The following DHX8 variants were observed in gnomAD, a reference collection of about 807,000 sequenced individuals.
The protein encoded by DHX8 is DEAH-box helicase 8.
Under a neutral mutation model 140.7 loss-of-function variants are expected in DHX8, and 67 were observed. The ratio of observed to expected loss-of-function variants is 0.48; its 90% CI spans 0.39 to 0.58. DHX8 has a LOEUF of 0.58. Among genes scored for constraint, DHX8 ranks in the 20% least tolerant of loss-of-function variants. The pLI is 0.00. For missense variants in DHX8, 887 were observed against 1,550.7 expected (o/e 0.57, Z 7.19); for synonymous variants, 533 against 553.2 (o/e 0.96, Z 0.51).
chr17:43,499,608 C>T (rs1459833398), intron 10 of DHX8, among the ~76,000 whole-genome samples: 2 of 152,158 alleles, frequency 1.3e-5, no homozygotes, highest in Non-Finnish European at 2.9e-5. Flanking sequence ...CCTGAAACCT[C>T]GCTCACTGAA....
intron 11 of DHX8, among the ~76,000 whole-genome samples, chr17:43,501,169 T>C (rs1465129602): frequency 6.6e-6 from 1 of 152,186 alleles, no homozygotes. Flanking sequence ...TGTGAAGAAG[T>C]ACAGGCAGTG....
intron 2 of DHX8, among the ~76,000 whole-genome samples, chr17:43,535,380 C>T (rs1186453074): frequency 3.9e-5 from 6 of 152,122 alleles, no homozygotes; most frequent in African/African-American, 7.2e-5. Context: ...CAGGTTCAAG[C>T]GATTCTCATG....
At chr17:43,531,482 G>C (rs563472738), downstream of DHX8, among the ~76,000 whole-genome samples, 13 of 152,136 alleles carry the variant, frequency 8.5e-5, no homozygotes, top group Non-Finnish European at 7.4e-5. Flanking sequence ...AAATATGTAA[G>C]CCACATATTA....
At chr17:43,543,184 C>G (rs1055120673) in intron 3 of DHX8, among the ~76,000 whole-genome samples, 1 of 151,186 alleles carries the variant, frequency 6.6e-6, no homozygotes. Flanking sequence ...CCAGCGCCCA[C>G]CCCCCTCACC....
chr17:43,505,829 A>G (rs946369781), intron 12 of DHX8, among the ~76,000 whole-genome samples: 5 of 152,118 alleles, frequency 3.3e-5, no homozygotes, highest in African/African-American at 1.2e-4. Context: ...CAGGTTTACT[A>G]GTTTCTAGTG....
intron 11 of DHX8, among the ~76,000 whole-genome samples, chr17:43,500,928 C>G (rs1456135749): frequency 6.6e-6 from 1 of 151,872 alleles, no homozygotes; most frequent in Non-Finnish European, 1.5e-5. Context: ...AATTTTTATT[C>G]TAAAGGTAAT....
At chr17:43,528,389 A>G, downstream of DHX8, 1 of 640,168 alleles carries the variant, frequency 1.6e-6, no homozygotes, top group Non-Finnish European at 2.7e-6. Flanking sequence ...GGCTAGGGCA[A>G]CTGGTAGGAC....
At chr17:43,533,974 T>C (rs1384141713) in intron 2 of DHX8, 3 of 1,532,920 alleles carry the variant, frequency 2.0e-6, no homozygotes, top group Non-Finnish European at 2.6e-6. Context: ...GTGGTGGGGC[T>C]GTGGAAAGCT....
At position 43,493,793 on chromosome 17, in the gene DHX8, G is replaced by A. The variant is rs775885889; in HGVS notation, c.1119G>A (p.Leu373=). 6.1e-5 allele frequency: 99 copies of A among 1,614,098 alleles called. No homozygotes were observed. The highest frequency in any genetic ancestry group is 7.9e-5 in the Non-Finnish European group (93 of 1,180,050). Residue 373 remains leucine (L), a synonymous_variant, in exon 8 of 23, where the codon TTG becomes TTA. Coordinates refer to ENST00000262415, the MANE Select transcript of DHX8 (RefSeq NM_004941.3). ...GGAATCCTGATAGACCCACTCACTT[G>A]TCCCTTGTCAGTGCTCCTGAAGTAG... ...SMRNPDRPTH[L]SLVSAPEVED... is the part of the protein sequence containing the mutation.
intron 2 of DHX8, among the ~76,000 whole-genome samples, chr17:43,535,267 G>A (rs1598205005): frequency 6.7e-6 from 1 of 149,566 alleles, no homozygotes; most frequent in African/African-American, 2.4e-5. Flanking sequence ...CATTAAAGCA[G>A]GGTTTGTTTT....
In DHX8 at chr17:43,493,649, C is replaced by A. The variant is rs745755239; in HGVS notation, c.1009-34C>A. 15 of 1,614,012 alleles carry A rather than the reference C, an allele frequency of 9.3e-6. No individual in the cohort carries two copies. The South Asian group carries it at 1.5e-4, about 17-fold the overall frequency. On this transcript the variant is annotated intron_variant, in intron 7 of 22. Coordinates refer to ENST00000262415, the MANE Select transcript of DHX8 (RefSeq NM_004941.3). Reference sequence around the variant, plus strand: ...TGGCCAAGGGAATGGAAGAGGACAGCAAGTGAGACAGCTCCCTTGTTTTTG... The same window carrying A: ...TGGCCAAGGGAATGGAAGAGGACAGAAAGTGAGACAGCTCCCTTGTTTTTG...
At chr17:43,539,950 G>A (rs1971437200) in intron 3 of DHX8, among the ~76,000 whole-genome samples, 1 of 152,132 alleles carries the variant, frequency 6.6e-6, no homozygotes, top group African/African-American at 2.4e-5. Context: ...ACAATCACAA[G>A]CCACCAGCAG....
chr17:43,509,484 A>ATT (rs555156200), intron 16 of DHX8, among the ~76,000 whole-genome samples: 89 of 135,594 alleles, frequency 6.6e-4, no homozygotes, highest in Middle Eastern at 7.6e-3. Flanking sequence ...CCTCCCACTT[A>ATT]TTTTTTTTTT....
chr17:43,512,420 A>C (rs2154586746), intron 16 of DHX8, among the ~76,000 whole-genome samples: 1 of 150,938 alleles, frequency 6.6e-6, no homozygotes, highest in Admixed American at 6.6e-5. Context: ...GGACTTGAGT[A>C]ATGTTAAAGA....
At position 43,507,551 on chromosome 17, in the gene DHX8, A is replaced by G; in HGVS notation, c.1972A>G (p.Ile658Val). Residue 658 changes from isoleucine (I) to valine (V), a missense_variant, in exon 14 of 23, where the codon ATC becomes GTC. Physicochemically the swap from Ile to Val is conservative, Grantham distance 29. Coordinates refer to ENST00000262415, the MANE Select transcript of DHX8 (RefSeq NM_004941.3). The part of the protein sequence containing the change: ...FEDCTSPETV[I>V]KYMTDGMLLR... Reference sequence around the variant, plus strand: ...GGACTGCACTAGCCCTGAAACAGTCATCAAGTACATGACAGATGGGATGTT... The same window carrying G: ...GGACTGCACTAGCCCTGAAACAGTCGTCAAGTACATGACAGATGGGATGTT... 4.3e-6 allele frequency: 7 copies of G among 1,614,188 alleles called. No homozygotes were observed. The highest frequency in any genetic ancestry group is 1.3e-5 in the African/African-American group (1 of 75,040).
At position 43,524,084 on chromosome 17, in the gene DHX8, T is replaced by C; in HGVS notation, c.*237T>C. 1 of 1,377,844 alleles carries C rather than the reference T, an allele frequency of 7.3e-7. No homozygotes were observed. Among genetic ancestry groups the C allele is most frequent in the Non-Finnish European group, 9.4e-7 (1 of 1,064,360 alleles). The allele number at this position is 1,377,844 out of a possible 1,614,324, so 85.4% of individuals were successfully genotyped here. A position where few individuals can be genotyped will look rare whatever the true frequency, so the allele number is the denominator to read the frequency against. ...GTCCTTGGGCCCAGTTGGGAGCTCA[T>C]ATCTAACACAGAGACACATTGCATC... is the stretch of plus-strand genomic sequence containing the variant. On this transcript the variant is annotated 3_prime_UTR_variant, in exon 23 of 23. Transcript: ENST00000262415.
chr17:43,529,479 G>A (rs781628034), downstream of DHX8: 2 of 1,591,246 alleles, frequency 1.3e-6, no homozygotes, highest in Non-Finnish European at 1.7e-6. Flanking sequence ...TGGAAAGGAG[G>A]GCTGGGAACA....
intron 13 of DHX8, 126 bp from the exon 14 acceptor site, chr17:43,507,377 A>T (rs1969552885): frequency 9.0e-7 from 1 of 1,106,062 alleles, no homozygotes; most frequent in African/African-American, 1.6e-5. Flanking sequence ...TACTATGAGG[A>T]AATTACTGTA....
intron 11 of DHX8, among the ~76,000 whole-genome samples, chr17:43,504,096 A>T (rs1391624041): frequency 6.6e-6 from 1 of 151,900 alleles, no homozygotes; most frequent in Non-Finnish European, 1.5e-5. Flanking sequence ...AAATAAAATA[A>T]AAAAAGTGTA....
Sources: allele counts gnomAD v4.1 joint callset (sites outside exome capture counted in the v4.1 genomes callset), GRCh38; gene constraint gnomAD v4.1.1; transcripts MANE v1.5; gene names NCBI Gene and HGNC (gene_info 2026-07-23, HGNC 2026-07-21).